The following NXN variants were observed in gnomAD, a reference collection of about 807,000 sequenced individuals.
NXN encodes the protein nucleoredoxin.
NXN carries 16 observed loss-of-function variants against 48.6 expected under a neutral mutation model. The observed-to-expected ratio is 0.33, with a 90% CI of 0.22 to 0.50. The LOEUF (loss-of-function observed/expected upper bound fraction) is 0.50. Among genes scored for constraint, NXN ranks in the 20% least tolerant of loss-of-function variants. The pLI is 0.98. For missense variants in NXN, 492 were observed against 605.5 expected (o/e 0.81, Z 1.97); for synonymous variants, 281 against 269.6 (o/e 1.04, Z -0.41).
intron 1 of NXN, among the ~76,000 whole-genome samples, chr17:948,196 A>C (rs1450826098): frequency 6.6e-6 from 1 of 152,208 alleles, no homozygotes; most frequent in African/African-American, 2.4e-5. Context: ...ACATTGTATT[A>C]GGAATTATAA....
At chr17:909,098 CAAAAAAA>C (rs59822805) in intron 1 of NXN, among the ~76,000 whole-genome samples, 5 of 117,388 alleles carry the variant, frequency 4.3e-5, no homozygotes, top group South Asian at 3.7e-4. Context: ...GACTTCGTCT[CAAAAAAA>C]AAAAAAAAAA....
Position 818,884 on chromosome 17 carries a change from C to CAAAAAAAAAAAAA in NXN, c.820+554_820+555insTTTTTTTTTTTTT, listed in dbSNP as rs1229405533. ...TGGGCAACAGAGTGAGACTCCGTCT[C>CAAAAAAAAAAAAA]AAAAAAAAAAAGAAATGCACCATGC... On this transcript the variant is annotated intron_variant, in intron 5 of 7. Coordinates refer to ENST00000336868, the MANE Select transcript of NXN (RefSeq NM_022463.5). Among the ~76,000 whole-genome samples the CAAAAAAAAAAAAA allele has an allele frequency of 7.9e-3, 1,097 of 139,602 alleles. 21 individuals are homozygous for CAAAAAAAAAAAAA. The highest frequency in any genetic ancestry group is 0.026 in the African/African-American group (947 of 36,344). 91.6% of individuals were successfully genotyped at this position (139,602 alleles called of 152,430 possible).
chr17:879,289 TTTTTTG>T (rs768674659), intron 1 of NXN, among the ~76,000 whole-genome samples: 1,502 of 139,748 alleles, frequency 0.011, 13 homozygotes, highest in Non-Finnish European at 0.016. Flanking sequence ...TGGTTTTTGG[TTTTTTG>T]TTTTTTTTTT....
In NXN at chr17:920,058, C is replaced by A. The variant is rs530986236; in HGVS notation, c.360+59261G>T. 6.6e-6 allele frequency among the ~76,000 whole-genome samples: 1 copy of A among 152,116 alleles called. No individual in the cohort carries two copies. Among genetic ancestry groups the A allele is most frequent in the African/African-American group, 2.4e-5 (1 of 41,428 alleles). The stretch of plus-strand genomic sequence containing the variant: ...CTCCAACTCTCTTCGAGCCACCACG[C>A]GGTGCAAATGTTTGTATTTTTGGTG... On this transcript the variant is annotated intron_variant, in intron 1 of 7. Coordinates refer to ENST00000336868, the MANE Select transcript of NXN (RefSeq NM_022463.5). This position sits in a 1 kb window ranked among gnomAD's most constrained non-coding sequence, Gnocchi z 4.6.
intron 1 of NXN, among the ~76,000 whole-genome samples, chr17:916,447 C>T (rs1230096374): frequency 1.3e-5 from 2 of 151,862 alleles, no homozygotes; most frequent in Non-Finnish European, 2.9e-5. Flanking sequence ...AGTTACCAAA[C>T]TAAAAAAAAG....
intron 1 of NXN, among the ~76,000 whole-genome samples, chr17:879,034 AGG>A (rs2068252830): frequency 2.0e-5 from 3 of 151,980 alleles, no homozygotes; most frequent in Non-Finnish European, 2.9e-5. Context: ...GTGTGGTGGC[AGG>A]CGCCTCTAAT....
intron 1 of NXN, among the ~76,000 whole-genome samples, chr17:839,923 C>A (rs1914048176): frequency 6.6e-6 from 1 of 151,654 alleles, no homozygotes; most frequent in Non-Finnish European, 1.5e-5. Context: ...ATGGTGAAAC[C>A]CCGTCTCTAT....
intron 4 of NXN, among the ~76,000 whole-genome samples, chr17:821,023 A>G (rs1912799008): frequency 1.4e-5 from 1 of 73,222 alleles, no homozygotes; most frequent in Non-Finnish European, 2.5e-5. Flanking sequence ...GAGCTGTGGC[A>G]TGGCAGAGAC....
intron 1 of NXN, among the ~76,000 whole-genome samples, chr17:844,159 C>T (rs2067832536): frequency 6.6e-6 from 1 of 151,718 alleles, no homozygotes; most frequent in African/African-American, 2.4e-5. Flanking sequence ...TACATCCCGT[C>T]CTGCCCTCCT....
intron 1 of NXN, chr17:929,607 G>A (rs1230390522): frequency 6.6e-6 from 1 of 152,188 alleles, no homozygotes; most frequent in African/African-American, 2.4e-5. Context: ...CTAAAACCGG[G>A]ATTTCAACTC....
intron 1 of NXN, among the ~76,000 whole-genome samples, chr17:869,798 T>C (rs2144803165): frequency 6.6e-6 from 1 of 152,358 alleles, no homozygotes; most frequent in Non-Finnish European, 1.5e-5. Context: ...AGTTAACAGC[T>C]ACGTCCTGCC....
chr17:874,395 C>A (rs1217662198), intron 1 of NXN, among the ~76,000 whole-genome samples: 1 of 152,108 alleles, frequency 6.6e-6, no homozygotes, highest in African/African-American at 2.4e-5. Context: ...ACCAGCCTGG[C>A]CAAAATGGTG....
chr17:877,145 C>A (rs2068225131), intron 1 of NXN, among the ~76,000 whole-genome samples: 2 of 151,596 alleles, frequency 1.3e-5, no homozygotes, highest in South Asian at 4.2e-4. Flanking sequence ...ATGGGAACAG[C>A]GACGGTGTTG....
chr17:903,090 GACC>G, intron 1 of NXN, among the ~76,000 whole-genome samples: 1 of 150,876 alleles, frequency 6.6e-6, no homozygotes, highest in South Asian at 2.1e-4. Context: ...TCATTTCATC[GACC>G]ACCCTGGTAC....
rs181129613 is a variant in NXN at position 837,341 on chromosome 17, G to A, written c.361-11263C>T. 2.2e-3 allele frequency among the ~76,000 whole-genome samples: 329 copies of A among 152,300 alleles called. 2 individuals are homozygous for A. The highest frequency in any genetic ancestry group is 3.6e-3 in the Non-Finnish European group (248 of 68,030). ...CTCATATCCCCAGAGGTAAGGCCCA[G>A]TCTTGGATCCCCTTGCTCCTGAGGC... On this transcript the variant is annotated intron_variant, in intron 1 of 7. Transcript: ENST00000336868.
At chr17:832,924 G>T (rs183596489) in intron 1 of NXN, among the ~76,000 whole-genome samples, 5,975 of 152,006 alleles carry the variant, frequency 0.039, 129 homozygotes, top group African/African-American at 0.052. Context: ...ACGGAGTCTC[G>T]CTGTCCCCCA....
At position 919,786 on chromosome 17, in the gene NXN, C is replaced by A. The variant is rs1006327387; in HGVS notation, c.360+59533G>T. 5.3e-5 allele frequency among the ~76,000 whole-genome samples: 8 copies of A among 152,142 alleles called. No individual in the cohort carries two copies. Among genetic ancestry groups the A allele is most frequent in the African/African-American group, 1.4e-4 (6 of 41,420 alleles). ...GGCAGAGCGGTCCGGCACAAAACAC[C>A]AGGAAACGCTCTCCCTTCCATCATT... On this transcript the variant is annotated intron_variant, in intron 1 of 7. Transcript: ENST00000336868. This position sits in a 1 kb window ranked among gnomAD's most constrained non-coding sequence, Gnocchi z 5.1.
At position 917,254 on chromosome 17, in the gene NXN, G is replaced by A. The variant is rs936941559; in HGVS notation, c.360+62065C>T. Among the ~76,000 whole-genome samples, 5 of 151,670 alleles carry A rather than the reference G, an allele frequency of 3.3e-5. No homozygotes were observed. Among genetic ancestry groups the A allele is most frequent in the Non-Finnish European group, 7.4e-5 (5 of 67,962 alleles). ...CCTCGCGGGTTCAAGCGATTCTCCT[G>A]CCTCAGCCTCCCGAGCAGCTGGGAC... On this transcript the variant is annotated intron_variant, in intron 1 of 7. Coordinates refer to ENST00000336868, the MANE Select transcript of NXN (RefSeq NM_022463.5). This position sits in a 1 kb window ranked among gnomAD's most constrained non-coding sequence, Gnocchi z 4.5.
intron 1 of NXN, among the ~76,000 whole-genome samples, chr17:914,914 G>A (rs1237947389): frequency 6.6e-6 from 1 of 152,100 alleles, no homozygotes; most frequent in Non-Finnish European, 1.5e-5. Flanking sequence ...GGGTGAAATC[G>A]CAGACACTTG....
Sources: gnomAD v4.1 joint callset for allele counts (sites outside exome capture counted in the v4.1 genomes callset) on GRCh38, gnomAD v4.1.1 for gene constraint, Gnocchi (gnomAD v3.1) non-coding constraint, MANE v1.5 for transcripts, NCBI Gene and HGNC (gene_info 2026-07-23, HGNC 2026-07-21) for gene names.